The following SCPPPQ1 variants were observed in gnomAD, a reference collection of about 807,000 sequenced individuals.
SCPPPQ1 encodes secretory calcium-binding phosphoprotein proline-glutamine rich 1, also known as secretory calcium-binding phosphoprotein proline- and glutamine-rich 1.
At chr4:87,462,855 A>C in the SCPPPQ1 span, among the ~76,000 whole-genome samples, 1 of 152,042 alleles carries the variant, frequency 6.6e-6, no homozygotes, top group Non-Finnish European at 1.5e-5. Context: ...AAAATTAGCC[A>C]GGTGTGGTGG....
the SCPPPQ1 span, among the ~76,000 whole-genome samples, chr4:87,468,278 T>A: frequency 5.4e-4 from 82 of 152,354 alleles, 1 homozygote; most frequent in African/African-American, 1.9e-3. Context: ...TTTCTTAAGA[T>A]TAATTCCATA....
the SCPPPQ1 span, among the ~76,000 whole-genome samples, chr4:87,467,228 T>G: frequency 2.0e-5 from 3 of 152,220 alleles, no homozygotes; most frequent in Admixed American, 2.0e-4. Flanking sequence ...TGTTTGTACC[T>G]CAAGCACTCA....
the SCPPPQ1 span, among the ~76,000 whole-genome samples, chr4:87,468,852 G>A: frequency 3.9e-5 from 6 of 152,104 alleles, no homozygotes; most frequent in African/African-American, 1.4e-4. Flanking sequence ...TTTAGACCAC[G>A]ATACTTGCCA....
At chr4:87,462,995 CAA>C in the SCPPPQ1 span, among the ~76,000 whole-genome samples, 156 of 91,642 alleles carry the variant, frequency 1.7e-3, no homozygotes, top group Middle Eastern at 5.7e-3. Flanking sequence ...CAAGACTCCT[CAA>C]AAAAAAAAAA....
the SCPPPQ1 span, among the ~76,000 whole-genome samples, chr4:87,469,849 A>G: frequency 6.6e-6 from 1 of 151,998 alleles, no homozygotes. Context: ...CTCCCAACAT[A>G]GCCCATTACT....
the SCPPPQ1 span, among the ~76,000 whole-genome samples, chr4:87,461,470 A>G: frequency 6.6e-6 from 1 of 152,176 alleles, no homozygotes; most frequent in African/African-American, 2.4e-5. Context: ...GCCACACCTG[A>G]TTTGGCTAGC....
chr4:87,470,450 C>T, the SCPPPQ1 span, among the ~76,000 whole-genome samples: 3 of 151,836 alleles, frequency 2.0e-5, no homozygotes, highest in East Asian at 1.9e-4. Flanking sequence ...TTATAGTTCT[C>T]GGGAAGGAAA....
chr4:87,469,844 A>C, the SCPPPQ1 span, among the ~76,000 whole-genome samples: 1 of 152,116 alleles, frequency 6.6e-6, no homozygotes. Flanking sequence ...TTTAGCTCCC[A>C]ACATAGCCCA....
At chr4:87,465,644 A>G in the SCPPPQ1 span, among the ~76,000 whole-genome samples, 1 of 151,498 alleles carries the variant, frequency 6.6e-6, no homozygotes, top group Non-Finnish European at 1.5e-5. Context: ...ATTTATTCAT[A>G]CATTCACTCA....
At chr4:87,465,038 A>G in the SCPPPQ1 span, among the ~76,000 whole-genome samples, 1 of 152,156 alleles carries the variant, frequency 6.6e-6, no homozygotes. Flanking sequence ...TGCTTCTAGG[A>G]TATATTACAT....
the SCPPPQ1 span, among the ~76,000 whole-genome samples, chr4:87,468,848 C>A: frequency 2.0e-5 from 3 of 152,038 alleles, no homozygotes; most frequent in Non-Finnish European, 4.4e-5. Flanking sequence ...GAATTTTAGA[C>A]CACGATACTT....
chr4:87,462,124 G>C, the SCPPPQ1 span: 2 of 152,062 alleles, frequency 1.3e-5, no homozygotes, highest in African/African-American at 4.8e-5. Flanking sequence ...TGTTAATATT[G>C]GTATAATCAT....
At chr4:87,465,638 A>G in the SCPPPQ1 span, among the ~76,000 whole-genome samples, 18 of 147,714 alleles carry the variant, frequency 1.2e-4, no homozygotes, top group Non-Finnish European at 2.2e-4. Context: ...TTTCTCATTT[A>G]TTCATACATT....
the SCPPPQ1 span, among the ~76,000 whole-genome samples, chr4:87,467,178 CT>C: frequency 1.3e-5 from 2 of 152,124 alleles, no homozygotes; most frequent in East Asian, 3.9e-4. Context: ...TGTAGTTTCC[CT>C]TTATGAGTCT....
chr4:87,467,549 G>A, the SCPPPQ1 span, among the ~76,000 whole-genome samples: 1 of 152,202 alleles, frequency 6.6e-6, no homozygotes, highest in Non-Finnish European at 1.5e-5. Flanking sequence ...GCTCGTAACG[G>A]TCAAAGTAAT....
the SCPPPQ1 span, among the ~76,000 whole-genome samples, chr4:87,463,483 G>A: frequency 1.4e-3 from 214 of 152,060 alleles, no homozygotes; most frequent in African/African-American, 5.0e-3. Flanking sequence ...GCTGTCAATA[G>A]GTTAATTTTT....
the SCPPPQ1 span, among the ~76,000 whole-genome samples, chr4:87,461,314 A>G: frequency 6.6e-6 from 1 of 152,182 alleles, no homozygotes; most frequent in African/African-American, 2.4e-5. Context: ...TTGCAAAGCT[A>G]TTCTGTCTGT....
chr4:87,463,857 A>G, the SCPPPQ1 span, among the ~76,000 whole-genome samples: 4 of 152,226 alleles, frequency 2.6e-5, no homozygotes, highest in Non-Finnish European at 5.9e-5. Flanking sequence ...TTATACAAGC[A>G]GTTTTACTGG....
the SCPPPQ1 span, among the ~76,000 whole-genome samples, chr4:87,467,555 G>A: frequency 6.6e-6 from 1 of 152,190 alleles, no homozygotes; most frequent in South Asian, 2.1e-4. Context: ...AACGGTCAAA[G>A]TAATTCAGCA....
Sources: allele counts gnomAD v4.1 joint callset (sites outside exome capture counted in the v4.1 genomes callset), GRCh38; gene constraint gnomAD v4.1.1; transcripts MANE v1.5; gene names NCBI Gene and HGNC (gene_info 2026-07-23, HGNC 2026-07-21).